ELAVL4: variants seen among roughly 807,000 people sequenced by gnomAD.
ELAVL4 encodes ELAV like RNA binding protein 4, also known as ELAV-like protein 4.
ELAVL4 carries 1 observed loss-of-function variant against 35.6 expected under a neutral mutation model. The ratio of observed to expected loss-of-function variants is 0.03; its 90% CI spans 0.01 to 0.13. The LOEUF is 0.13. ELAVL4 is among the 10% of genes least tolerant of loss of function. ELAVL4 has a pLI of 1.00. For synonymous variants in ELAVL4, 156 were observed against 171.0 expected (o/e 0.91, Z 0.69); for missense variants, 267 against 464.9 (o/e 0.57, Z 3.91).
At chr1:50,148,698 T>C (rs1319663379) in intron 2 of ELAVL4, among the ~76,000 whole-genome samples, 1 of 152,190 alleles carries the variant, frequency 6.6e-6, no homozygotes, top group Non-Finnish European at 1.5e-5. Flanking sequence ...ACCTGCAGCC[T>C]CTGCTGCTGG....
intron 1 of ELAVL4, among the ~76,000 whole-genome samples, chr1:50,111,406 A>G (rs1347601990): frequency 6.6e-6 from 1 of 152,182 alleles, no homozygotes; most frequent in Admixed American, 6.6e-5. Flanking sequence ...ATGATTTCTT[A>G]GAAATTTCCA....
upstream of ELAVL4, chr1:50,106,322 G>A: frequency 6.2e-7 from 1 of 1,613,604 alleles, no homozygotes. Context: ...TGGTGGCAAG[G>A]GGCTGACTGA....
At chr1:50,184,346 C>T (rs181654012) in intron 3 of ELAVL4, among the ~76,000 whole-genome samples, 318 of 148,006 alleles carry the variant, frequency 2.1e-3, no homozygotes, top group Non-Finnish European at 3.2e-3. Context: ...GGTCTGGGGG[C>T]TTTAGCTGTC....
intron 1 of ELAVL4, 81 bp downstream of exon 1, chr1:50,109,279 T>A: frequency 2.8e-6 from 4 of 1,452,250 alleles, no homozygotes; most frequent in South Asian, 1.2e-5. Context: ...AGTCTTATGC[T>A]TGCACAAGAG....
At chr1:50,094,925 A>G (rs1166574887) in intron 1 of ELAVL4, among the ~76,000 whole-genome samples, 1 of 151,934 alleles carries the variant, frequency 6.6e-6, no homozygotes, top group Admixed American at 6.6e-5. Flanking sequence ...GTGAGACTCC[A>G]TCTCAAAAAT....
rs761917183 is a variant in ELAVL4, at chr1:50,201,085, G to A, written c.1008G>A (p.Glu336=). 6.2e-7 allele frequency: 1 copy of A among 1,614,080 alleles called. No homozygotes were observed. Among genetic ancestry groups the A allele is most frequent in the South Asian group, 1.1e-5 (1 of 91,076 alleles). ...TTGTCACCATGACCAACTATGATGA[G>A]GCGGCCATGGCCATCGCCAGCCTCA... ...FGFVTMTNYD[E]AAMAIASLNG... Residue 336 remains glutamate, a synonymous_variant, in exon 7 of 7, where the codon GAG becomes GAA. Transcript: ENST00000371824. The surrounding 1 kb of genome is among the most constrained non-coding windows in gnomAD (Gnocchi z 4.3).
At chr1:50,115,341 T>A (rs1346885742) in intron 1 of ELAVL4, 6 of 152,134 alleles carry the variant, frequency 3.9e-5, no homozygotes, top group African/African-American at 1.4e-4. Context: ...AGTGTAATTT[T>A]TGTGCTTGCG....
intron 2 of ELAVL4, among the ~76,000 whole-genome samples, chr1:50,145,439 T>C (rs1454548286): frequency 6.6e-6 from 1 of 152,174 alleles, no homozygotes; most frequent in Non-Finnish European, 1.5e-5. Context: ...TCCTTTGATT[T>C]TGTCTCCTTT....
rs530301986 is a variant in ELAVL4 at position 50,160,304 on chromosome 1, A to G, written c.250+15107A>G. 1.2e-3 allele frequency among the ~76,000 whole-genome samples: 187 copies of G among 152,062 alleles called. 2 individuals carry two copies. The highest frequency in any genetic ancestry group is 2.9e-4 in the Non-Finnish European group (20 of 68,010). On this transcript the variant is annotated intron_variant, in intron 2 of 6. Transcript: ENST00000371824. Reference sequence around the variant, plus strand: ...AAGATGACGTTCCCCCGCAATTTCTACCCTAAAGACCTATTTCTGCATGAG... The same window carrying G: ...AAGATGACGTTCCCCCGCAATTTCTGCCCTAAAGACCTATTTCTGCATGAG...
chr1:50,109,015 T>TCCTCCCC lies in ELAVL4; in HGVS notation c.-173_-172insTCCCCCC. Reference sequence around the variant, plus strand: ...GCTCCTTTTCTTTTTTTTCTTTCTCTCCCCCGCCCACCCCCCCAAAAATAA... The same window carrying TCCTCCCC: ...GCTCCTTTTCTTTTTTTTCTTTCTCTCCTCCCCCCCCCGCCCACCCCCCCAAAAATAA... On this transcript the variant is annotated 5_prime_UTR_variant, in exon 1 of 7. Transcript: ENST00000371824. 1 of 961,076 alleles carries TCCTCCCC rather than the reference T, an allele frequency of 1.0e-6. No homozygotes were observed. The allele number at this position is 961,076 out of a possible 1,614,324, so 59.5% of individuals were successfully genotyped here.
At chr1:50,111,146 T>TGTGTGTGTGCGC (rs1667004068) in intron 1 of ELAVL4, among the ~76,000 whole-genome samples, 1 of 151,696 alleles carries the variant, frequency 6.6e-6, no homozygotes, top group African/African-American at 2.4e-5. Flanking sequence ...TGTGTGTGCG[T>TGTGTGTGTGCGC]GTGTGTGTGC....
intron 1 of ELAVL4, among the ~76,000 whole-genome samples, chr1:50,136,823 G>A (rs6588376): frequency 0.23 from 35,076 of 151,942 alleles, 4,149 homozygotes; most frequent in East Asian, 0.35. Flanking sequence ...CTATATCTCC[G>A]CCAGAAAACC....
intron 3 of ELAVL4, among the ~76,000 whole-genome samples, chr1:50,185,837 A>C (rs1681739436): frequency 6.6e-6 from 1 of 152,182 alleles, no homozygotes; most frequent in Non-Finnish European, 1.5e-5. Context: ...TATAGGGGAA[A>C]GTATTATGAA....
At chr1:50,117,617 C>T (rs1346684883) in intron 1 of ELAVL4, among the ~76,000 whole-genome samples, 1 of 152,142 alleles carries the variant, frequency 6.6e-6, no homozygotes, top group East Asian at 1.9e-4. Context: ...AGGGTTTCTG[C>T]AAGAATCAGA....
chr1:50,147,167 A>G (rs934280828), intron 2 of ELAVL4, among the ~76,000 whole-genome samples: 2 of 152,182 alleles, frequency 1.3e-5, no homozygotes, highest in African/African-American at 4.8e-5. Flanking sequence ...GCATAAATTT[A>G]TAATTATGCA....
chr1:50,076,687 C>T (rs1664780636), intron 1 of ELAVL4, among the ~76,000 whole-genome samples: 1 of 151,874 alleles, frequency 6.6e-6, no homozygotes, highest in African/African-American at 2.4e-5. Context: ...GAGTCTGGAG[C>T]CTTTAGTCCT....
intron 2 of ELAVL4, among the ~76,000 whole-genome samples, chr1:50,155,057 T>C (rs1033467547): frequency 6.6e-6 from 1 of 151,936 alleles, no homozygotes; most frequent in East Asian, 1.9e-4. Context: ...AGTTTTAGGG[T>C]ACATGTGCAC....
intron 2 of ELAVL4, among the ~76,000 whole-genome samples, chr1:50,149,296 G>C (rs968738967): frequency 1.6e-4 from 25 of 151,876 alleles, no homozygotes; most frequent in Non-Finnish European, 2.8e-4. Flanking sequence ...TACTCGGGAG[G>C]CTGAGGCAGG....
chr1:50,154,731 G>A (rs1034303600), intron 2 of ELAVL4, among the ~76,000 whole-genome samples: 1 of 146,560 alleles, frequency 6.8e-6, no homozygotes, highest in African/African-American at 2.6e-5. Flanking sequence ...TCTTTGCCTG[G>A]TTTGTTGTTG....
Sources: allele counts gnomAD v4.1 joint callset (sites outside exome capture counted in the v4.1 genomes callset), GRCh38; gene constraint gnomAD v4.1.1; non-coding constraint Gnocchi (gnomAD v3.1); transcripts MANE v1.5; gene names NCBI Gene and HGNC (gene_info 2026-07-23, HGNC 2026-07-21).